SHISA9: variants seen among roughly 807,000 people sequenced by gnomAD.
The protein encoded by SHISA9 is protein shisa-9.
In SHISA9, 13 loss-of-function variants were observed where a neutral mutation model predicts 38.0. The ratio of observed to expected loss-of-function variants is 0.34; its 90% CI spans 0.22 to 0.54. SHISA9 has a LOEUF of 0.54. Among genes scored for constraint, SHISA9 ranks in the 20% least tolerant of loss-of-function variants. The pLI is 0.91. For missense variants in SHISA9, 538 were observed against 575.8 expected, an observed-to-expected ratio of 0.93 and a Z score of 0.67; for synonymous variants, 275 against 242.0, an observed-to-expected ratio of 1.14 and a Z score of -1.27.
the SHISA9 span, among the ~76,000 whole-genome samples, chr16:13,295,658 G>C: frequency 2.6e-5 from 4 of 152,130 alleles, no homozygotes; most frequent in African/African-American, 9.7e-5. Flanking sequence ...GGGCTAGGCA[G>C]GTAAGAGATG....
chr16:13,184,232 T>C (rs920373831), intron 2 of SHISA9, among the ~76,000 whole-genome samples: 1 of 152,158 alleles, frequency 6.6e-6, no homozygotes, highest in African/African-American at 2.4e-5. Context: ...ACATAACTAA[T>C]CACCTGTAAA....
chr16:12,984,847 G>C (rs1380233924), intron 2 of SHISA9, among the ~76,000 whole-genome samples: 1 of 152,142 alleles, frequency 6.6e-6, no homozygotes, highest in South Asian at 2.1e-4. Flanking sequence ...GAGTAAGTCT[G>C]TACGGCCTGA....
chr16:12,929,824 T>G (rs1465772245), intron 2 of SHISA9, among the ~76,000 whole-genome samples: 1 of 152,118 alleles, frequency 6.6e-6, no homozygotes, highest in Non-Finnish European at 1.5e-5. Flanking sequence ...AAACATGTTT[T>G]AAATGTCCCA....
chr16:13,130,514 C>T (rs2050297422), intron 2 of SHISA9, among the ~76,000 whole-genome samples: 2 of 152,078 alleles, frequency 1.3e-5, no homozygotes, highest in South Asian at 2.1e-4. Context: ...GGTACTTTTC[C>T]AAAGTACTTC....
chr16:13,299,129 C>A, the SHISA9 span, among the ~76,000 whole-genome samples: 1 of 152,212 alleles, frequency 6.6e-6, no homozygotes, highest in Non-Finnish European at 1.5e-5. Context: ...ATATCCCTCT[C>A]CACTTATCTA....
chr16:13,457,089 C>T, the SHISA9 span, among the ~76,000 whole-genome samples: 1 of 152,206 alleles, frequency 6.6e-6, no homozygotes, highest in African/African-American at 2.4e-5. Context: ...GGCGGATCAC[C>T]TGAAGTCAGG....
chr16:13,393,255 G>A, the SHISA9 span, among the ~76,000 whole-genome samples: 175 of 152,298 alleles, frequency 1.1e-3, no homozygotes, highest in Non-Finnish European at 2.0e-3. Context: ...AGTCACACAG[G>A]GCCCACTCCT....
At chr16:13,110,082 G>T (rs1312498926) in intron 2 of SHISA9, among the ~76,000 whole-genome samples, 2 of 152,130 alleles carry the variant, frequency 1.3e-5, no homozygotes, top group Non-Finnish European at 2.9e-5. Context: ...GGAATAGCTT[G>T]GTTTTTAAGC....
chr16:12,976,395 T>A (rs1025031503), intron 2 of SHISA9, among the ~76,000 whole-genome samples: 2 of 152,124 alleles, frequency 1.3e-5, no homozygotes, highest in East Asian at 3.9e-4. Flanking sequence ...CTGGCCAAAC[T>A]CGTTAATTTT....
rs960408599 is a variant in SHISA9 at position 13,239,306 on chromosome 16, T to C, written c.*3897T>C. On this transcript the variant is annotated 3_prime_UTR_variant, in exon 5 of 5. Coordinates refer to ENST00000558583, the MANE Select transcript of SHISA9 (RefSeq NM_001145204.3). The stretch of plus-strand genomic sequence containing the variant: ...GTGCCGCAATAAACATACGTGTGCA[T>C]GTGTCTTTATAGCAGCATGATTTAT... 2 of 151,500 alleles carry C rather than the reference T, an allele frequency of 1.3e-5. No individual in the cohort carries two copies. The highest frequency in any genetic ancestry group is 2.9e-5 in the Non-Finnish European group (2 of 67,910). The allele number at this position is 151,500 out of a possible 1,614,324, so 9.4% of individuals were successfully genotyped here. A position where few individuals can be genotyped will look rare whatever the true frequency, so the allele number is the denominator to read the frequency against.
At chr16:13,494,807 C>T in the SHISA9 span, among the ~76,000 whole-genome samples, 4 of 152,126 alleles carry the variant, frequency 2.6e-5, no homozygotes, top group Non-Finnish European at 4.4e-5. Flanking sequence ...CCTATCTGTG[C>T]ATGAATGTTC....
At chr16:13,469,546 T>C in the SHISA9 span, among the ~76,000 whole-genome samples, 1 of 152,206 alleles carries the variant, frequency 6.6e-6, no homozygotes, top group African/African-American at 2.4e-5. Flanking sequence ...TCTCATCTTC[T>C]TCTATCCTAT....
intron 1 of SHISA9, among the ~76,000 whole-genome samples, chr16:12,913,319 C>G (rs1200343333): frequency 6.6e-6 from 1 of 152,124 alleles, no homozygotes; most frequent in Non-Finnish European, 1.5e-5. Context: ...GCCCCAGCCT[C>G]CTGAGTAGCC....
the SHISA9 span, among the ~76,000 whole-genome samples, chr16:13,351,034 C>G: frequency 2.6e-5 from 4 of 152,178 alleles, no homozygotes; most frequent in East Asian, 7.7e-4. Flanking sequence ...GATGTGCAGG[C>G]ACTGGGCTAA....
chr16:13,148,651 C>G (rs2050469593), intron 2 of SHISA9, among the ~76,000 whole-genome samples: 1 of 150,438 alleles, frequency 6.6e-6, no homozygotes, highest in African/African-American at 2.5e-5. Context: ...CATTCACACA[C>G]CCACTCTTCA....
chr16:13,557,704 C>G, the SHISA9 span, among the ~76,000 whole-genome samples: 1 of 152,138 alleles, frequency 6.6e-6, no homozygotes, highest in East Asian at 1.9e-4. Flanking sequence ...AGTTCAAGGA[C>G]TTTTGCAACA....
chr16:13,501,932 G>A, the SHISA9 span, among the ~76,000 whole-genome samples: 7,894 of 151,938 alleles, frequency 0.052, 441 homozygotes, highest in African/African-American at 0.14. Context: ...AACCCAGGAG[G>A]TGGAGGTTGC....
chr16:13,403,694 T>A, the SHISA9 span, among the ~76,000 whole-genome samples: 1 of 152,200 alleles, frequency 6.6e-6, no homozygotes, highest in African/African-American at 2.4e-5. Flanking sequence ...TTAAATCATC[T>A]TCTGAGTAGG....
chr16:13,110,720 G>A (rs1260880711), intron 2 of SHISA9, among the ~76,000 whole-genome samples: 1 of 152,210 alleles, frequency 6.6e-6, no homozygotes, highest in African/African-American at 2.4e-5. Flanking sequence ...TGTGATTGTA[G>A]AGTGACACAT....
Sources: gnomAD v4.1 joint callset for allele counts (sites outside exome capture counted in the v4.1 genomes callset) on GRCh38, gnomAD v4.1.1 for gene constraint, MANE v1.5 for transcripts, NCBI Gene and HGNC (gene_info 2026-07-23, HGNC 2026-07-21) for gene names.